Variants in RASA3 observed in about 807,000 individuals in gnomAD.
RASA3 encodes ras GTPase-activating protein 3.
In RASA3, 73 loss-of-function variants were observed where a neutral mutation model predicts 110.0. The observed-to-expected ratio is 0.66, with a 90% CI of 0.55 to 0.81. The LOEUF is 0.81. RASA3 is among the 30% of genes least tolerant of loss of function. RASA3 has a pLI of 0.00. For synonymous variants in RASA3, 500 were observed against 451.4 expected (o/e 1.11, Z -1.37); for missense variants, 976 against 1,113.2 (o/e 0.88, Z 1.75).
intron 20 of RASA3, 89 bp from the exon 21 acceptor site, chr13:113,996,828 C>A: frequency 2.4e-6 from 3 of 1,225,102 alleles, no homozygotes; most frequent in Non-Finnish European, 3.5e-6. Context: ...GCCGTCCTCG[C>A]CGGAGTCGTA....
At chr13:114,079,450 C>T (rs995058184) in intron 1 of RASA3, among the ~76,000 whole-genome samples, 3 of 152,188 alleles carry the variant, frequency 2.0e-5, no homozygotes, top group South Asian at 2.1e-4. Context: ...GTCGTCCCAA[C>T]GCAAAACATT....
At chr13:114,107,264 G>T (rs9590438) in intron 1 of RASA3, among the ~76,000 whole-genome samples, 1 of 152,188 alleles carries the variant, frequency 6.6e-6, no homozygotes, top group Non-Finnish European at 1.5e-5. Context: ...TCTTCGCAGG[G>T]GATGTGGCCT....
At position 114,076,901 on chromosome 13, in the gene RASA3, C is replaced by T. The variant is rs138419260; in HGVS notation, c.56-3064G>A. 5.7e-3 allele frequency among the ~76,000 whole-genome samples: 870 copies of T among 152,312 alleles called. 1 individual carries two copies. The highest frequency in any genetic ancestry group is 0.017 in the African/African-American group (693 of 41,562). On this transcript the variant is annotated intron_variant, in intron 1 of 23. Coordinates refer to ENST00000334062, the MANE Select transcript of RASA3 (RefSeq NM_007368.4). ...TCCTTCTGACACCTTTACAGTGTGA[C>T]CTGACGCTGACCATATTTCCCTTGG...
At position 114,056,068 on chromosome 13, in the gene RASA3, G is replaced by A. The variant is rs919496149; in HGVS notation, c.174-3913C>T. Among the ~76,000 whole-genome samples, 3 of 152,304 alleles carry A rather than the reference G, an allele frequency of 2.0e-5. No homozygotes were observed. Among genetic ancestry groups the A allele is most frequent in the Admixed American group, 6.5e-5 (1 of 15,300 alleles). On this transcript the variant is annotated intron_variant, in intron 2 of 23. Coordinates refer to ENST00000334062, the MANE Select transcript of RASA3 (RefSeq NM_007368.4). This position sits in a 1 kb window ranked among gnomAD's most constrained non-coding sequence, Gnocchi z 5.7. ...ACCCAGGCCTCGGGGTTCACCTGGC[G>A]CGTCACCGTTTCCCGAGAGCCCCCC...
At chr13:114,110,178 C>CA (rs1410997129) in intron 1 of RASA3, among the ~76,000 whole-genome samples, 1 of 152,110 alleles carries the variant, frequency 6.6e-6, no homozygotes, top group Non-Finnish European at 1.5e-5. Context: ...CAGAATAAAA[C>CA]AAAAAATCTA....
intron 15 of RASA3, among the ~76,000 whole-genome samples, chr13:114,012,040 G>A (rs1232437646): frequency 6.6e-6 from 1 of 152,056 alleles, no homozygotes; most frequent in Non-Finnish European, 1.5e-5. Flanking sequence ...TACCCTGAGA[G>A]CTGCGGCCCC....
chr13:114,033,153 C>T (rs1384626154), intron 4 of RASA3, among the ~76,000 whole-genome samples: 2 of 85,248 alleles, frequency 2.3e-5, no homozygotes, highest in East Asian at 4.0e-4. Context: ...CCACACCCCA[C>T]GGCACCCCCA....
chr13:114,059,429 A>G (rs565892383), intron 2 of RASA3, among the ~76,000 whole-genome samples: 2 of 151,510 alleles, frequency 1.3e-5, no homozygotes, highest in African/African-American at 4.8e-5. Flanking sequence ...GCAGGTACCC[A>G]GGAGGCACAG....
intron 1 of RASA3, among the ~76,000 whole-genome samples, chr13:114,121,600 C>T (rs945241755): frequency 2.6e-5 from 4 of 152,298 alleles, no homozygotes; most frequent in South Asian, 2.1e-4. Context: ...CATAAGGATG[C>T]GGACTCCTCC....
chr13:114,013,390 T>TCTCTCTGTCTCC (rs1435678299), intron 14 of RASA3, 142 bp from the exon 15 acceptor site: 22 of 594,616 alleles, frequency 3.7e-5, no homozygotes, highest in African/African-American at 1.3e-4. Flanking sequence ...TCTCTCTCCC[T>TCTCTCTGTCTCC]CTCTCTGTTT....
intron 17 of RASA3, 61 bp from the exon 18 acceptor site, chr13:114,007,667 C>T (rs2053546943): frequency 7.2e-7 from 1 of 1,382,728 alleles, no homozygotes; most frequent in African/African-American, 1.4e-5. Flanking sequence ...GCACGGCTCT[C>T]TGTATAACAA....
chr13:114,041,339 G>A (rs1566516487), intron 3 of RASA3, among the ~76,000 whole-genome samples: 1 of 152,252 alleles, frequency 6.6e-6, no homozygotes, highest in Non-Finnish European at 1.5e-5. Context: ...AAAGGAATGA[G>A]CCGGGCATGG....
At position 114,115,028 on chromosome 13, in the gene RASA3, C is replaced by G. The variant is rs1477276233; in HGVS notation, c.55+17407G>C. On this transcript the variant is annotated intron_variant, in intron 1 of 23. Coordinates refer to ENST00000334062, the MANE Select transcript of RASA3 (RefSeq NM_007368.4). This position sits in a 1 kb window ranked among gnomAD's most constrained non-coding sequence, Gnocchi z 5.0. ...GCTGCAGGTTCCCCAGCCCCACCCCCAGCTGTGAGATGCTGCAGGTTCCCC... is the reference window on the plus strand; with the variant it reads ...GCTGCAGGTTCCCCAGCCCCACCCCGAGCTGTGAGATGCTGCAGGTTCCCC... Among the ~76,000 whole-genome samples the G allele has an allele frequency of 2.6e-5, 4 of 151,558 alleles. No homozygotes were observed. The highest frequency in any genetic ancestry group is 5.9e-5 in the Non-Finnish European group (4 of 67,804).
intron 2 of RASA3, among the ~76,000 whole-genome samples, chr13:114,068,462 G>A (rs2079494146): frequency 6.6e-6 from 1 of 152,266 alleles, no homozygotes; most frequent in African/African-American, 2.4e-5. Flanking sequence ...GAATATTCTT[G>A]CAAATGACTG....
At chr13:114,036,619 C>A (rs2139434075) in intron 4 of RASA3, among the ~76,000 whole-genome samples, 1 of 152,250 alleles carries the variant, frequency 6.6e-6, no homozygotes, top group East Asian at 1.9e-4. Context: ...CTCACAGCAA[C>A]CTCCGCCTCC....
At chr13:113,993,077 G>C (rs1226144627) in intron 21 of RASA3, among the ~76,000 whole-genome samples, 2 of 152,246 alleles carry the variant, frequency 1.3e-5, no homozygotes, top group Non-Finnish European at 1.5e-5. Flanking sequence ...GTATCATACA[G>C]AACTCAATTC....
chr13:114,042,847 T>C (rs969793339), intron 3 of RASA3, among the ~76,000 whole-genome samples: 2 of 152,180 alleles, frequency 1.3e-5, no homozygotes, highest in African/African-American at 4.8e-5. Flanking sequence ...AGGTGCCATC[T>C]CAGTCGGTCC....
At chr13:114,121,798 T>A (rs1054763285) in intron 1 of RASA3, among the ~76,000 whole-genome samples, 4 of 152,182 alleles carry the variant, frequency 2.6e-5, no homozygotes, top group Non-Finnish European at 5.9e-5. Context: ...GTGAATGAGA[T>A]ACTAGTTGTT....
rs1372079855 is a variant in RASA3, at chr13:114,087,773, G to A, written c.56-13936C>T. Among the ~76,000 whole-genome samples the A allele has an allele frequency of 3.9e-5, 6 of 152,392 alleles. No homozygotes were observed. The South Asian group carries it at 1.0e-3, about 26-fold the overall frequency. Reference sequence around the variant, plus strand: ...AGACAACTTATCAGAGGGCCTTGGAGGGCCGGAGGCAGCAACACACACAGC... The same window carrying A: ...AGACAACTTATCAGAGGGCCTTGGAAGGCCGGAGGCAGCAACACACACAGC... On this transcript the variant is annotated intron_variant, in intron 1 of 23. Coordinates refer to ENST00000334062, the MANE Select transcript of RASA3 (RefSeq NM_007368.4).
Sources: gnomAD v4.1 joint callset for allele counts (sites outside exome capture counted in the v4.1 genomes callset) on GRCh38, gnomAD v4.1.1 for gene constraint, Gnocchi (gnomAD v3.1) non-coding constraint, MANE v1.5 for transcripts, NCBI Gene and HGNC (gene_info 2026-07-23, HGNC 2026-07-21) for gene names.